Variants in NME7 observed in about 807,000 individuals in gnomAD.
NME7 encodes nucleoside diphosphate kinase 7.
In NME7, 41 loss-of-function variants were observed where a neutral mutation model predicts 49.1. The ratio of observed to expected loss-of-function variants is 0.83; its 90% CI spans 0.65 to 1.08. NME7 has a LOEUF of 1.08. NME7 is among the 50% of genes least tolerant of loss of function. The pLI is 0.00. For synonymous variants in NME7, 139 were observed against 150.6 expected, an observed-to-expected ratio of 0.92 and a Z score of 0.56; for missense variants, 423 against 463.4, an observed-to-expected ratio of 0.91 and a Z score of 0.80.
At chr1:169,342,997 G>GTATATATA (rs35893899) in intron 1 of NME7, among the ~76,000 whole-genome samples, 5 of 44,230 alleles carry the variant, frequency 1.1e-4, no homozygotes, top group African/African-American at 3.2e-4. Context: ...ACTTGTATTA[G>GTATATATA]TATATATATA....
At position 169,274,210 on chromosome 1, in the gene NME7, T is replaced by G. The variant is rs1408382096; in HGVS notation, c.754+13093A>C. On this transcript the variant is annotated intron_variant, in intron 7 of 11. Coordinates refer to ENST00000367811, the MANE Select transcript of NME7 (RefSeq NM_013330.5). ...GTGGTTTTGATTTGCATTTCTCTGA[T>G]GGCCAGTGATGATGAGCATTTTTTC... is the stretch of plus-strand genomic sequence containing the variant. Among the ~76,000 whole-genome samples, 71 of 134,110 alleles carry G rather than the reference T, an allele frequency of 5.3e-4. 6 individuals carry two copies. Among genetic ancestry groups the G allele is most frequent in the African/African-American group, 1.7e-3 (68 of 39,664 alleles). 88.0% of individuals were successfully genotyped at this position (134,110 alleles called of 152,430 possible).
rs578033357 is a variant in NME7 at position 169,159,203 on chromosome 1, CT to C, written c.1098+10243del. ...TTCTTCGCCTTTTGCCCTCACTCTT[CT>C]TTCTTTATGCCTGGAAAAAAGAAGT... On this transcript the variant is annotated intron_variant, in intron 11 of 11. Transcript: ENST00000367811. Among the ~76,000 whole-genome samples, 105 of 152,252 alleles carry C rather than the reference CT, an allele frequency of 6.9e-4. 1 individual carries two copies. In the South Asian group the frequency reaches 0.021, roughly 31 times the overall value.
intron 10 of NME7, among the ~76,000 whole-genome samples, chr1:169,202,940 A>G (rs1011317925): frequency 6.6e-6 from 1 of 150,512 alleles, no homozygotes; most frequent in African/African-American, 2.4e-5. Flanking sequence ...TCCCATTGAG[A>G]GAAGAGAAAG....
intron 4 of NME7, among the ~76,000 whole-genome samples, chr1:169,305,094 C>T (rs1000010695): frequency 3.9e-5 from 6 of 152,208 alleles, no homozygotes; most frequent in African/African-American, 1.4e-4. Flanking sequence ...TTTCATCCAA[C>T]ATGTCCCTGA....
intron 7 of NME7, among the ~76,000 whole-genome samples, chr1:169,282,876 A>C (rs1650081600): frequency 6.6e-6 from 1 of 152,134 alleles, no homozygotes; most frequent in South Asian, 2.1e-4. Context: ...TTATGTGGTC[A>C]ATTTTAGAAT....
intron 7 of NME7, chr1:169,286,048 G>A (rs1044774520): frequency 4.6e-5 from 7 of 152,072 alleles, no homozygotes; most frequent in Non-Finnish European, 8.8e-5. Flanking sequence ...TACAATTGCT[G>A]TTAAATATTA....
At chr1:169,199,566 G>T (rs10919093) in intron 10 of NME7, among the ~76,000 whole-genome samples, 12,481 of 150,896 alleles carry the variant, frequency 0.083, 704 homozygotes, top group Admixed American at 0.19. Flanking sequence ...TGATCCTCCC[G>T]CCTCAGCCTC....
At chr1:169,283,627 G>A (rs540509561) in intron 7 of NME7, among the ~76,000 whole-genome samples, 20 of 152,226 alleles carry the variant, frequency 1.3e-4, no homozygotes, top group South Asian at 4.1e-4. Flanking sequence ...AAGAGCTCTC[G>A]TAAGGCAGGT....
At chr1:169,355,627 T>C (rs922020280) in intron 1 of NME7, among the ~76,000 whole-genome samples, 2 of 151,678 alleles carry the variant, frequency 1.3e-5, no homozygotes, top group Non-Finnish European at 2.9e-5. Context: ...CTATTTCCTC[T>C]ACCTAGACAG....
At chr1:169,237,082 C>T (rs572461698) in intron 8 of NME7, among the ~76,000 whole-genome samples, 22 of 152,074 alleles carry the variant, frequency 1.4e-4, no homozygotes, top group African/African-American at 4.8e-4. Context: ...GTATGAACAA[C>T]GCAATTTTGA....
chr1:169,283,008 T>C (rs981879437), intron 7 of NME7, among the ~76,000 whole-genome samples: 2 of 152,098 alleles, frequency 1.3e-5, no homozygotes, highest in African/African-American at 4.8e-5. Context: ...CCTTGTTATT[T>C]TTCTATCTCG....
intron 10 of NME7, among the ~76,000 whole-genome samples, chr1:169,214,325 C>G (rs1170208994): frequency 6.6e-6 from 1 of 152,150 alleles, no homozygotes; most frequent in South Asian, 2.1e-4. Flanking sequence ...GCTCTCTGAG[C>G]CTGCTGAAGA....
chr1:169,187,779 T>C lies in NME7; in HGVS notation c.991-18225A>G, dbSNP rs560134058. Reference sequence around the variant, plus strand: ...AAGGTTAATATTGTTATGTGTGAATTTGATCCTGTCATTAGCTAGCTGGGG... The same window carrying C: ...AAGGTTAATATTGTTATGTGTGAATCTGATCCTGTCATTAGCTAGCTGGGG... On this transcript the variant is annotated intron_variant, in intron 10 of 11. Coordinates refer to ENST00000367811, the MANE Select transcript of NME7 (RefSeq NM_013330.5). Among the ~76,000 whole-genome samples, 6 of 152,348 alleles carry C rather than the reference T, an allele frequency of 3.9e-5. No homozygotes were observed. In the South Asian group the frequency reaches 1.0e-3, roughly 26 times the overall value.
intron 7 of NME7, among the ~76,000 whole-genome samples, chr1:169,241,626 A>C (rs1320257051): frequency 4.6e-5 from 7 of 151,850 alleles, no homozygotes. Flanking sequence ...CTCACCATAG[A>C]ATTATTAGTA....
chr1:169,302,209 G>C (rs1650968536), intron 5 of NME7: 2 of 152,016 alleles, frequency 1.3e-5, no homozygotes, highest in Non-Finnish European at 2.9e-5. Context: ...TTTTTTCAAA[G>C]GACTTAAAAC....
intron 10 of NME7, among the ~76,000 whole-genome samples, chr1:169,182,887 T>C (rs1289677433): frequency 6.6e-6 from 1 of 152,210 alleles, no homozygotes; most frequent in East Asian, 1.9e-4. Flanking sequence ...CTCCTTAGGC[T>C]ATATTAGATC....
At chr1:169,195,952 G>A (rs1052600987) in intron 10 of NME7, among the ~76,000 whole-genome samples, 1 of 152,308 alleles carries the variant, frequency 6.6e-6, no homozygotes. Flanking sequence ...AGTAGGATAA[G>A]TAATTGAGTG....
chr1:169,278,574 A>G (rs561688771), intron 7 of NME7, among the ~76,000 whole-genome samples: 1 of 152,196 alleles, frequency 6.6e-6, no homozygotes, highest in African/African-American at 2.4e-5. Context: ...TGGTTATTCT[A>G]GTTATACATT....
intron 10 of NME7, among the ~76,000 whole-genome samples, chr1:169,204,811 G>T (rs1316755266): frequency 6.6e-6 from 1 of 151,826 alleles, no homozygotes; most frequent in Non-Finnish European, 1.5e-5. Flanking sequence ...AATAATTATT[G>T]ACTCAATTTT....
Sources: allele counts gnomAD v4.1 joint callset (sites outside exome capture counted in the v4.1 genomes callset), GRCh38; gene constraint gnomAD v4.1.1; transcripts MANE v1.5; gene names NCBI Gene and HGNC (gene_info 2026-07-23, HGNC 2026-07-21).